BCHE: variants seen among roughly 807,000 people sequenced by gnomAD.
BCHE encodes the protein butyrylcholinesterase.
A neutral mutation model predicts 51.3 loss-of-function variants in BCHE; 48 were observed. The ratio of observed to expected loss-of-function variants is 0.94; its 90% CI spans 0.74 to 1.19. BCHE has a LOEUF of 1.19. Among genes scored for constraint, BCHE ranks in the 50% most tolerant of loss-of-function variants. BCHE has a pLI of 0.00. For missense variants in BCHE, 847 were observed against 708.2 expected, an observed-to-expected ratio of 1.20 and a Z score of -2.23; for synonymous variants, 251 against 238.0, an observed-to-expected ratio of 1.05 and a Z score of -0.50.
rs762936157 is a variant in BCHE, at chr3:165,830,044, C to A, written c.990G>T (p.Met330Ile). The change falls in exon 2 of 4, where the codon ATG (methionine) becomes ATT (isoleucine). Residue 330 changes from methionine to isoleucine, a missense_variant. Coordinates refer to ENST00000264381, the MANE Select transcript of BCHE (RefSeq NM_000055.4). ...GTCCAAGTTCAAGTAATATGTCTGG[C>A]ATGTCAGTGAGAAAATCACCATCCA... Reference protein sequence around the residue: ...PTVDGDFLTDMPDILLELGQF... With the variant: ...PTVDGDFLTDIPDILLELGQF... 1.2e-6 allele frequency: 2 copies of A among 1,613,580 alleles called. No individual in the cohort carries two copies. The highest frequency in any genetic ancestry group is 1.7e-6 in the Non-Finnish European group (2 of 1,179,868).
chr3:165,786,045 C>T, intron 3 of BCHE, 100 bp downstream of exon 3: 2 of 1,260,160 alleles, frequency 1.6e-6, no homozygotes, highest in South Asian at 2.5e-5. Flanking sequence ...GTCAGAGATA[C>T]ATATAGTAAC....
intron 3 of BCHE, among the ~76,000 whole-genome samples, chr3:165,784,203 G>A (rs1435014930): frequency 6.6e-6 from 1 of 151,812 alleles, no homozygotes; most frequent in Non-Finnish European, 1.5e-5. Context: ...TAAAATATTT[G>A]AAGTTTTGTG....
At chr3:165,817,299 C>A (rs1714347713) in intron 2 of BCHE, among the ~76,000 whole-genome samples, 2 of 152,024 alleles carry the variant, frequency 1.3e-5, no homozygotes, top group Admixed American at 6.6e-5. Context: ...GCTGTAATAA[C>A]CTCCTAGTTC....
intron 1 of BCHE, among the ~76,000 whole-genome samples, chr3:165,836,062 A>G (rs1715176579): frequency 6.6e-6 from 1 of 151,938 alleles, no homozygotes; most frequent in Non-Finnish European, 1.5e-5. Context: ...TTAGTAGCTT[A>G]TGTTTTATAA....
intron 2 of BCHE, among the ~76,000 whole-genome samples, chr3:165,794,066 C>T (rs971799893): frequency 2.0e-5 from 3 of 151,306 alleles, no homozygotes; most frequent in African/African-American, 7.3e-5. Flanking sequence ...AAAAAAAATA[C>T]ACAGATTTCT....
chr3:165,806,022 A>T (rs1713852902), intron 2 of BCHE, among the ~76,000 whole-genome samples: 1 of 152,002 alleles, frequency 6.6e-6, no homozygotes, highest in South Asian at 2.1e-4. Flanking sequence ...GAACACGACC[A>T]TGTGTCTCCT....
chr3:165,792,925 T>C (rs1713223596), intron 2 of BCHE, among the ~76,000 whole-genome samples: 2 of 152,198 alleles, frequency 1.3e-5, no homozygotes, highest in African/African-American at 4.8e-5. Context: ...ACTTTTCCTA[T>C]AAACAATGTC....
intron 3 of BCHE, among the ~76,000 whole-genome samples, 187 bp from the exon 4 acceptor site, chr3:165,773,693 T>C (rs1712347453): frequency 6.6e-6 from 1 of 152,008 alleles, no homozygotes; most frequent in African/African-American, 2.4e-5. Context: ...TCTTTACAGA[T>C]TATGTGAAAA....
chr3:165,805,146 T>C (rs1419452897), intron 2 of BCHE, among the ~76,000 whole-genome samples: 1 of 152,140 alleles, frequency 6.6e-6, no homozygotes, highest in Non-Finnish European at 1.5e-5. Context: ...TAAGAGAGTT[T>C]ATTCTGTGGA....
chr3:165,822,143 G>A (rs1714549866), intron 2 of BCHE, among the ~76,000 whole-genome samples: 1 of 151,406 alleles, frequency 6.6e-6, no homozygotes, highest in South Asian at 2.1e-4. Context: ...ATTTATTCCT[G>A]GCAAAAAAGC....
intron 3 of BCHE, among the ~76,000 whole-genome samples, chr3:165,775,357 T>C (rs1212697229): frequency 6.6e-6 from 1 of 151,876 alleles, no homozygotes; most frequent in African/African-American, 2.4e-5. Flanking sequence ...GATCAGTCAC[T>C]ATAATCACAA....
At chr3:165,775,870 TGA>T (rs907189768) in intron 3 of BCHE, among the ~76,000 whole-genome samples, 1 of 151,958 alleles carries the variant, frequency 6.6e-6, no homozygotes, top group Non-Finnish European at 1.5e-5. Flanking sequence ...AATAAAATAT[TGA>T]GTTTGAAGTA....
chr3:165,786,893 T>A (rs1437237962), intron 2 of BCHE, among the ~76,000 whole-genome samples: 1 of 151,806 alleles, frequency 6.6e-6, no homozygotes, highest in Non-Finnish European at 1.5e-5. Context: ...AATTCTTAAG[T>A]GGTTTCATAT....
chr3:165,827,350 G>T (rs1161922176), intron 2 of BCHE, among the ~76,000 whole-genome samples: 3 of 151,532 alleles, frequency 2.0e-5, no homozygotes, highest in Non-Finnish European at 2.9e-5. Flanking sequence ...TATAGCTTAT[G>T]ATCTCCATGA....
chr3:165,777,733 A>G (rs1379083803), intron 3 of BCHE: 4 of 442,556 alleles, frequency 9.0e-6, no homozygotes, highest in Non-Finnish European at 1.8e-5. Context: ...ATTTTCTTCC[A>G]CCTCTGTCAA....
rs1576830147 is a variant in BCHE at position 165,773,425 on chromosome 3, A to C, written c.1766T>G (p.Phe589Cys). Residue 589 changes from phenylalanine (F) to cysteine (C), a missense_variant, in exon 4 of 4, where the codon TTT (phenylalanine) becomes TGT (cysteine). By Grantham distance (205) the Phe-to-Cys change is radical. Coordinates refer to ENST00000264381, the MANE Select transcript of BCHE (RefSeq NM_000055.4). Reference sequence around the variant, plus strand: ...TTCTTTCTTGCTAGTGTAATCGTTAAATTGATTTTTCCAGTCCATCATGTA... The same window carrying C: ...TTCTTTCTTGCTAGTGTAATCGTTACATTGATTTTTCCAGTCCATCATGTA... ...NNYMMDWKNQ[F>C]NDYTSKKESC... 2 of 1,610,912 alleles carry C rather than the reference A, an allele frequency of 1.2e-6. No homozygotes were observed. Among genetic ancestry groups the C allele is most frequent in the South Asian group, 2.2e-5 (2 of 90,934 alleles).
At chr3:165,783,895 A>G (rs1712807920) in intron 3 of BCHE, among the ~76,000 whole-genome samples, 2 of 152,060 alleles carry the variant, frequency 1.3e-5, no homozygotes, top group Admixed American at 1.3e-4. Flanking sequence ...CAATAACAGC[A>G]TAGCCATGTG....
intron 3 of BCHE, among the ~76,000 whole-genome samples, chr3:165,775,672 C>T (rs1327898532): frequency 6.6e-6 from 1 of 151,748 alleles, no homozygotes; most frequent in African/African-American, 2.4e-5. Flanking sequence ...CATAAATTTA[C>T]ATTTTTTCCT....
At chr3:165,774,995 T>A (rs1406371664) in intron 3 of BCHE, among the ~76,000 whole-genome samples, 1 of 152,164 alleles carries the variant, frequency 6.6e-6, no homozygotes, top group Non-Finnish European at 1.5e-5. Context: ...TGTGGTTTTC[T>A]TTTTAAACTT....
Sources: gnomAD v4.1 joint callset for allele counts (sites outside exome capture counted in the v4.1 genomes callset) on GRCh38, gnomAD v4.1.1 for gene constraint, MANE v1.5 for transcripts, NCBI Gene and HGNC (gene_info 2026-07-23, HGNC 2026-07-21) for gene names.